Variants in MYLK observed in about 807,000 individuals in gnomAD.
The protein encoded by MYLK is myosin light chain kinase, smooth muscle.
A neutral mutation model predicts 203.4 loss-of-function variants in MYLK; 106 were observed. The ratio of observed to expected loss-of-function variants is 0.52; its 90% CI spans 0.45 to 0.61. The LOEUF (loss-of-function observed/expected upper bound fraction) is 0.61, where lower values mean the gene tolerates loss of function less well. Ranked by LOEUF, MYLK falls within the 20% of genes least tolerant of loss-of-function variation. MYLK has a pLI of 0.00. For synonymous variants in MYLK, 867 were observed against 959.5 expected (o/e 0.90, Z 1.78); for missense variants, 2,072 against 2,442.3 (o/e 0.85, Z 3.20).
chr3:123,738,840 A>T, intron 7 of MYLK, 57 bp downstream of exon 7: 1 of 1,559,436 alleles, frequency 6.4e-7, no homozygotes, highest in Non-Finnish European at 8.7e-7. Flanking sequence ...GTCTATTAGC[A>T]GCATGAGAAC....
At chr3:123,785,391 T>A (rs2064474417) in intron 4 of MYLK, among the ~76,000 whole-genome samples, 1 of 152,202 alleles carries the variant, frequency 6.6e-6, no homozygotes. Flanking sequence ...TCCCTTTGAG[T>A]ACTTTGGAAA....
At chr3:123,843,279 T>C (rs950491575) in intron 2 of MYLK, among the ~76,000 whole-genome samples, 1 of 152,206 alleles carries the variant, frequency 6.6e-6, no homozygotes, top group African/African-American at 2.4e-5. Flanking sequence ...TATATTTTAA[T>C]ATGTCCTTGC....
At chr3:123,808,940 C>A (rs2065461692) in intron 3 of MYLK, among the ~76,000 whole-genome samples, 1 of 152,164 alleles carries the variant, frequency 6.6e-6, no homozygotes, top group Non-Finnish European at 1.5e-5. Flanking sequence ...GAACTGAGGT[C>A]TCTGATTCCA....
At chr3:123,695,033 T>G (rs894176120) in intron 18 of MYLK, among the ~76,000 whole-genome samples, 1 of 152,182 alleles carries the variant, frequency 6.6e-6, no homozygotes, top group African/African-American at 2.4e-5. Flanking sequence ...AGGGCTGTGG[T>G]GGAGTAAGCG....
At chr3:123,762,838 G>A (rs753089492) in intron 4 of MYLK, among the ~76,000 whole-genome samples, 2 of 152,172 alleles carry the variant, frequency 1.3e-5, no homozygotes, top group Admixed American at 6.5e-5. Flanking sequence ...TCACCAAGTG[G>A]TGCATTGATC....
intron 33 of MYLK, chr3:123,616,482 A>C (rs1050480752): frequency 6.6e-6 from 1 of 152,210 alleles, no homozygotes; most frequent in Non-Finnish European, 1.5e-5. Context: ...ATATACATAC[A>C]TTTAAAAATA....
Position 123,730,201 on chromosome 3 carries a change from C to T in MYLK, c.1516+2695G>A, listed in dbSNP as rs541114098. Among the ~76,000 whole-genome samples, 102 of 152,194 alleles carry T rather than the reference C, an allele frequency of 6.7e-4. No homozygotes were observed. The South Asian group carries it at 7.7e-3, about 11-fold the overall frequency. ...TATTATCATGCCACTGCACTCTAGC[C>T]CCATTGGCAAAGCAAGACCTCATTT... On this transcript the variant is annotated intron_variant, in intron 11 of 33. Transcript: ENST00000360304.
chr3:123,651,223 G>T (rs1233028902), intron 24 of MYLK, among the ~76,000 whole-genome samples: 2 of 152,180 alleles, frequency 1.3e-5, no homozygotes, highest in African/African-American at 4.8e-5. Context: ...CATGACTACT[G>T]CATCTTGGGG....
intron 2 of MYLK, among the ~76,000 whole-genome samples, chr3:123,854,983 T>C (rs763836471): frequency 4.6e-5 from 7 of 152,198 alleles, no homozygotes; most frequent in South Asian, 4.1e-4. Context: ...ATAACTTGTA[T>C]TTTTATTTTG....
intron 2 of MYLK, among the ~76,000 whole-genome samples, chr3:123,876,340 T>C (rs2033150363): frequency 6.6e-6 from 1 of 152,208 alleles, no homozygotes; most frequent in South Asian, 2.1e-4. Flanking sequence ...GTTATCACAT[T>C]ATCATAGTTC....
intron 15 of MYLK, 150 bp downstream of exon 15, chr3:123,708,548 G>T: frequency 1.3e-6 from 1 of 790,030 alleles, no homozygotes; most frequent in Non-Finnish European, 2.0e-6. Context: ...TGGACAGGGA[G>T]CTGGCCTCTG....
At chr3:123,762,313 C>T (rs2063561936) in intron 4 of MYLK, among the ~76,000 whole-genome samples, 1 of 151,992 alleles carries the variant, frequency 6.6e-6, no homozygotes, top group African/African-American at 2.4e-5. Flanking sequence ...ACTGCAACCT[C>T]TACCTCCCAT....
intron 2 of MYLK, among the ~76,000 whole-genome samples, chr3:123,870,752 C>A (rs1304554822): frequency 6.6e-6 from 1 of 152,228 alleles, no homozygotes; most frequent in African/African-American, 2.4e-5. Flanking sequence ...TACATGTTAT[C>A]TACAGCTCCT....
At chr3:123,651,766 G>C (rs1207100330) in intron 24 of MYLK, among the ~76,000 whole-genome samples, 2 of 152,186 alleles carry the variant, frequency 1.3e-5, no homozygotes, top group African/African-American at 2.4e-5. Flanking sequence ...ACAGCCACAG[G>C]GCCAGCCTCT....
chr3:123,619,145 T>G (rs769814532), intron 32 of MYLK, among the ~76,000 whole-genome samples: 1 of 152,228 alleles, frequency 6.6e-6, no homozygotes, highest in African/African-American at 2.4e-5. Context: ...CCCTCTGCCT[T>G]CCTTCTGCAG....
At chr3:123,869,583 C>T (rs1360783853) in intron 2 of MYLK, among the ~76,000 whole-genome samples, 2 of 152,168 alleles carry the variant, frequency 1.3e-5, no homozygotes, top group South Asian at 2.1e-4. Flanking sequence ...GGGACCAGCA[C>T]ACCCTCTCCA....
intron 3 of MYLK, among the ~76,000 whole-genome samples, chr3:123,812,139 T>C (rs975740566): frequency 2.0e-5 from 3 of 152,148 alleles, no homozygotes; most frequent in Non-Finnish European, 4.4e-5. Context: ...ACTGAAGAAC[T>C]CTTGCCCCCC....
chr3:123,707,701 C>T, intron 16 of MYLK, 53 bp downstream of exon 16: 1 of 1,613,100 alleles, frequency 6.2e-7, no homozygotes, highest in Non-Finnish European at 8.5e-7. Flanking sequence ...GTTAGGGGAG[C>T]TAGGAATTTG....
At chr3:123,690,276 T>C (rs545822042) in intron 19 of MYLK, among the ~76,000 whole-genome samples, 1 of 152,232 alleles carries the variant, frequency 6.6e-6, no homozygotes, top group South Asian at 2.1e-4. Flanking sequence ...AATTCAGTCA[T>C]TGTTGCTGCT....
Sources: gnomAD v4.1 joint callset for allele counts (sites outside exome capture counted in the v4.1 genomes callset) on GRCh38, gnomAD v4.1.1 for gene constraint, MANE v1.5 for transcripts, NCBI Gene and HGNC (gene_info 2026-07-23, HGNC 2026-07-21) for gene names.